DNAJB5: variants seen among roughly 807,000 people sequenced by gnomAD.
DNAJB5 encodes dnaJ homolog subfamily B member 5.
In DNAJB5, 12 loss-of-function variants were observed where a neutral mutation model predicts 32.6. That is an observed-to-expected ratio of 0.37 (90% CI 0.24 to 0.60). DNAJB5 has a LOEUF of 0.60. Among genes scored for constraint, DNAJB5 ranks in the 20% least tolerant of loss-of-function variants. The pLI, the probability that DNAJB5 is intolerant of heterozygous loss-of-function variation, is 0.71. For synonymous variants in DNAJB5, 188 were observed against 212.9 expected, an observed-to-expected ratio of 0.88 and a Z score of 1.02; for missense variants, 358 against 554.2, an observed-to-expected ratio of 0.65 and a Z score of 3.55.
Position 34,990,889 on chromosome 9 carries a change from C to G in DNAJB5, c.182+77C>G. On this transcript the variant is annotated intron_variant, in intron 2 of 4. Coordinates refer to ENST00000682809, the MANE Select transcript of DNAJB5 (RefSeq NM_001349723.3). The surrounding 1 kb of genome is among the most constrained non-coding windows in gnomAD (Gnocchi z 4.5). ...ACGCGGCCATCCCCTCCATTGCCTT[C>G]CTGCTTCCTCCAACTCATCCTCATC... The G allele has an allele frequency of 7.0e-7, 1 of 1,419,864 alleles. No homozygotes were observed. Among genetic ancestry groups the G allele is most frequent in the South Asian group, 1.4e-5 (1 of 71,828 alleles). The allele number at this position is 1,419,864 out of a possible 1,614,324, so 88.0% of individuals were successfully genotyped here.
intron 2 of DNAJB5, chr9:34,991,668 G>GC (rs558122735): frequency 0.15 from 10,653 of 71,528 alleles, 643 homozygotes; most frequent in African/African-American, 0.3. Context: ...GAAAACGGTT[G>GC]CCCCCCCCCC....
Position 34,997,302 on chromosome 9 carries a change from C to G in DNAJB5, c.*43C>G. Reference sequence around the variant, plus strand: ...CCAGAGCCTACCACAGCAATACCCCCAACACTCACTCCACTCAATGTGCAC... The same window carrying G: ...CCAGAGCCTACCACAGCAATACCCCGAACACTCACTCCACTCAATGTGCAC... On this transcript the variant is annotated 3_prime_UTR_variant, in exon 5 of 5. Coordinates refer to ENST00000682809, the MANE Select transcript of DNAJB5 (RefSeq NM_001349723.3). The surrounding 1 kb of genome is among the most constrained non-coding windows in gnomAD (Gnocchi z 4.1). The G allele has an allele frequency of 1.3e-6, 2 of 1,573,584 alleles. No homozygotes were observed. Among genetic ancestry groups the G allele is most frequent in the Non-Finnish European group, 1.7e-6 (2 of 1,143,184 alleles).
In DNAJB5 at chr9:34,996,337, A is replaced by C; in HGVS notation, c.500A>C (p.His167Pro). ...SFHYTFHGDP[H>P]ATFASFFGGS... ...CACTACACCTTTCATGGGGACCCCC[A>C]TGCCACCTTTGCCTCCTTCTTTGGT... The change falls in exon 4 of 5, where the codon CAT (histidine) becomes CCT (proline). Residue 167 changes from histidine to proline, a missense_variant. Coordinates refer to ENST00000682809, the MANE Select transcript of DNAJB5 (RefSeq NM_001349723.3). The surrounding 1 kb of genome is among the most constrained non-coding windows in gnomAD (Gnocchi z 7.2). 2.5e-6 allele frequency: 4 copies of C among 1,614,166 alleles called. No individual in the cohort carries two copies. Among genetic ancestry groups the C allele is most frequent in the Non-Finnish European group, 2.5e-6 (3 of 1,180,034 alleles).
Position 34,997,125 on chromosome 9 carries a change from C to T in DNAJB5, c.1129C>T (p.Arg377Cys). ...CAAGCCAGGCACCGTGAAGAGACTC[C>T]GTGGGGAGGGCCTTCCCTTCCCCAA... ...VIKPGTVKRL[R>C]GEGLPFPKVP... The change falls in exon 5 of 5, where the codon CGT becomes TGT. Residue 377 changes from arginine to cysteine, a missense_variant. By Grantham distance (180) the Arg-to-Cys change is radical. This residue lies in a region of DNAJB5 where 248 missense variants were observed against 442.6 expected (regional missense o/e 0.56). Coordinates refer to ENST00000682809, the MANE Select transcript of DNAJB5 (RefSeq NM_001349723.3). This position sits in a 1 kb window ranked among gnomAD's most constrained non-coding sequence, Gnocchi z 4.1. 1.2e-6 allele frequency: 2 copies of T among 1,614,192 alleles called. No individual in the cohort carries two copies. Among genetic ancestry groups the T allele is most frequent in the Non-Finnish European group, 1.7e-6 (2 of 1,180,036 alleles).
intron 2 of DNAJB5, chr9:34,992,696 C>T (rs1367688999): frequency 5.1e-6 from 4 of 790,494 alleles, no homozygotes; most frequent in Non-Finnish European, 6.2e-6. Flanking sequence ...TCTGGCTGGC[C>T]AGGACAGCTG....
chr9:34,994,011 C>A (rs930873837), intron 3 of DNAJB5, among the ~76,000 whole-genome samples: 2 of 152,204 alleles, frequency 1.3e-5, no homozygotes, highest in African/African-American at 4.8e-5. Flanking sequence ...TGGCATCTTC[C>A]CCCTTCCCTG....
Position 34,989,814 on chromosome 9 carries a change from G to T in DNAJB5, c.-150G>T. ...CGGCTGTCTCACGGACCACGGCGGCGCCCGCAGCTCCTCACCGGTGAGGGC... is the reference window on the plus strand; with the variant it reads ...CGGCTGTCTCACGGACCACGGCGGCTCCCGCAGCTCCTCACCGGTGAGGGC... On this transcript the variant is annotated 5_prime_UTR_variant, in exon 1 of 5. Coordinates refer to ENST00000682809, the MANE Select transcript of DNAJB5 (RefSeq NM_001349723.3). The T allele has an allele frequency of 8.1e-7, 1 of 1,232,366 alleles. No individual in the cohort carries two copies. The highest frequency in any genetic ancestry group is 1.0e-6 in the Non-Finnish European group (1 of 988,236). The allele number at this position is 1,232,366 out of a possible 1,614,324, so 76.3% of individuals were successfully genotyped here.
In DNAJB5 at chr9:34,998,113, C is replaced by G. The variant is rs2132988385; in HGVS notation, c.*854C>G. 1 of 152,790 alleles carries G rather than the reference C, an allele frequency of 6.5e-6. No homozygotes were observed. The highest frequency in any genetic ancestry group is 2.4e-5 in the African/African-American group (1 of 41,512). 9.5% of individuals were successfully genotyped at this position (152,790 alleles called of 1,614,324 possible). ...AGATTCAGGGTCACAGGTTTTTCCC[C>G]ACACCTCTGAACTCAGGGCCTAGCC... On this transcript the variant is annotated 3_prime_UTR_variant, in exon 5 of 5. Transcript: ENST00000682809.
chr9:34,997,327 C>T lies in DNAJB5; in HGVS notation c.*68C>T. 7.3e-6 allele frequency: 11 copies of T among 1,506,336 alleles called. No homozygotes were observed. The highest frequency in any genetic ancestry group is 1.0e-5 in the Non-Finnish European group (11 of 1,082,330). The allele number at this position is 1,506,336 out of a possible 1,614,324, so 93.3% of individuals were successfully genotyped here. A position where few individuals can be genotyped will look rare whatever the true frequency, so the allele number is the denominator to read the frequency against. On this transcript the variant is annotated 3_prime_UTR_variant, in exon 5 of 5. Transcript: ENST00000682809. The surrounding 1 kb of genome is among the most constrained non-coding windows in gnomAD (Gnocchi z 4.1). ...CAACACTCACTCCACTCAATGTGCA[C>T]CCAGCTTGATGTCCACTGGACACTG...
intron 2 of DNAJB5, chr9:34,991,545 C>T (rs1220112230): frequency 2.4e-6 from 1 of 423,756 alleles, no homozygotes; most frequent in Non-Finnish European, 4.8e-6. Flanking sequence ...GGGGCACCCT[C>T]TTGGTGTGCT....
At position 34,996,864 on chromosome 9, in the gene DNAJB5, G is replaced by A. The variant is rs770829549; in HGVS notation, c.1027G>A (p.Glu343Lys). 6.2e-7 allele frequency: 1 copy of A among 1,605,892 alleles called. No individual in the cohort carries two copies. Among genetic ancestry groups the A allele is most frequent in the Non-Finnish European group, 8.5e-7 (1 of 1,175,576 alleles). Residue 343 changes from glutamate to lysine, a missense_variant and splice_region_variant, in exon 4 of 5, where the codon GAG becomes AAG. Physicochemically the swap from Glu to Lys is moderately conservative, Grantham distance 56. Around this residue, in one of 2 missense-constraint regions of DNAJB5, gnomAD observed 248 missense variants for 442.6 expected, o/e 0.56. Transcript: ENST00000682809. The surrounding 1 kb of genome is among the most constrained non-coding windows in gnomAD (Gnocchi z 7.2). ...CTACAGTGCCCTGATCAGCCTCAAG[G>A]AGGTGGGGCCTAGTCAGGCTGTGTG... Reference protein sequence around the residue: ...VLYSALISLKEALCGCTVNIP... With the variant: ...VLYSALISLKKALCGCTVNIP...
Position 34,996,401 on chromosome 9 carries a change from C to T in DNAJB5, c.564C>T (p.Arg188=). 6.2e-7 allele frequency: 1 copy of T among 1,614,208 alleles called. No individual in the cohort carries two copies. ...TCGATATCTTCTTTGCCAGCAGCCG[C>T]TCCACTCGGCCCTTCAGTGGCTTTG... ...NPFDIFFASS[R]STRPFSGFDP... The change falls in exon 4 of 5, where the codon CGC becomes CGT. Residue 188 remains arginine, a synonymous_variant. Coordinates refer to ENST00000682809, the MANE Select transcript of DNAJB5 (RefSeq NM_001349723.3). The surrounding 1 kb of genome is among the most constrained non-coding windows in gnomAD (Gnocchi z 7.2).
chr9:34,992,974 G>A, intron 2 of DNAJB5: 20 of 1,378,290 alleles, frequency 1.5e-5, no homozygotes, highest in Non-Finnish European at 1.8e-5. Flanking sequence ...TTCCTGCTGG[G>A]AAAACCCAGG....
intron 2 of DNAJB5, chr9:34,991,688 GCT>G (rs1457988059): frequency 1.8e-5 from 5 of 275,328 alleles, no homozygotes; most frequent in African/African-American, 5.7e-5. Flanking sequence ...CCAACGAGGT[GCT>G]CTTTCTTCTC....
In DNAJB5 at chr9:34,989,840, G is replaced by T. The variant is rs1415466284; in HGVS notation, c.-133+9G>T. 8.1e-7 allele frequency: 1 copy of T among 1,234,556 alleles called. No homozygotes were observed. The highest frequency in any genetic ancestry group is 1.0e-6 in the Non-Finnish European group (1 of 989,452). 76.5% of individuals were successfully genotyped at this position (1,234,556 alleles called of 1,614,324 possible). A position where few individuals can be genotyped will look rare whatever the true frequency, so the allele number is the denominator to read the frequency against. The stretch of plus-strand genomic sequence containing the variant: ...CCCGCAGCTCCTCACCGGTGAGGGC[G>T]CCAAGCCAGGACTCGGGGGTCCCGG... On this transcript the variant is annotated intron_variant, in intron 1 of 4. Transcript: ENST00000682809.
At chr9:34,998,879 A>T (rs1827871521), downstream of DNAJB5, 1 of 135,098 alleles carries the variant, frequency 7.4e-6, no homozygotes, top group Non-Finnish European at 1.5e-5. Context: ...CAGTGATGCG[A>T]TCTTGGTTCA....
rs1390344058 is a variant in DNAJB5, at chr9:34,993,557, AG to A, written c.427+116del. 3.6e-6 allele frequency: 5 copies of A among 1,407,034 alleles called. No individual in the cohort carries two copies. The highest frequency in any genetic ancestry group is 2.9e-5 in the African/African-American group (2 of 69,280). 87.2% of individuals were successfully genotyped at this position (1,407,034 alleles called of 1,614,324 possible). A position where few individuals can be genotyped will look rare whatever the true frequency, so the allele number is the denominator to read the frequency against. On this transcript the variant is annotated intron_variant, in intron 3 of 4. Coordinates refer to ENST00000682809, the MANE Select transcript of DNAJB5 (RefSeq NM_001349723.3). This position sits in a 1 kb window ranked among gnomAD's most constrained non-coding sequence, Gnocchi z 4.7. ...GGCTGTGGAGGGGGTGAGGGCAGCA[AG>A]GGTTTCCAGCACTGTCACCCAGAGA...
At chr9:34,998,749 C>G (rs1827867851), downstream of DNAJB5, 1 of 151,088 alleles carries the variant, frequency 6.6e-6, no homozygotes, top group Non-Finnish European at 1.5e-5. Context: ...TCTAAATTTT[C>G]TCTGAGTCAG....
At position 34,993,545 on chromosome 9, in the gene DNAJB5, G is replaced by A; in HGVS notation, c.427+101G>A. 1 of 1,477,884 alleles carries A rather than the reference G, an allele frequency of 6.8e-7. No homozygotes were observed. 91.5% of individuals were successfully genotyped at this position (1,477,884 alleles called of 1,614,324 possible). A position where few individuals can be genotyped will look rare whatever the true frequency, so the allele number is the denominator to read the frequency against. ...CGGGGAACTGGAGGCTGTGGAGGGG[G>A]TGAGGGCAGCAAGGGTTTCCAGCAC... On this transcript the variant is annotated intron_variant, in intron 3 of 4. Transcript: ENST00000682809. The surrounding 1 kb of genome is among the most constrained non-coding windows in gnomAD (Gnocchi z 4.7).
Sources: gnomAD v4.1 joint callset for allele counts (sites outside exome capture counted in the v4.1 genomes callset) on GRCh38, gnomAD v4.1.1 for gene constraint, gnomAD v4.1.1 regional missense constraint, Gnocchi (gnomAD v3.1) non-coding constraint, MANE v1.5 for transcripts, NCBI Gene and HGNC (gene_info 2026-07-23, HGNC 2026-07-21) for gene names.